Variants in ATAD2 observed in about 807,000 individuals in gnomAD.
ATAD2 encodes the protein ATPase family AAA domain-containing protein 2.
A neutral mutation model predicts 168.9 loss-of-function variants in ATAD2; 62 were observed. That is an observed-to-expected ratio of 0.37 (90% CI 0.30 to 0.45). The LOEUF (loss-of-function observed/expected upper bound fraction) is 0.45. ATAD2 is among the 20% of genes least tolerant of loss of function. The pLI is 1.00. For missense variants in ATAD2, 1,419 were observed against 1,667.8 expected (o/e 0.85, Z 2.60); for synonymous variants, 613 against 571.6 (o/e 1.07, Z -1.03).
intron 13 of ATAD2, 119 bp downstream of exon 13, chr8:123,356,270 C>CA: frequency 1.2e-5 from 9 of 762,122 alleles, no homozygotes; most frequent in Admixed American, 3.0e-5. Context: ...GTTCTACTAC[C>CA]AAAAAAAGGA....
chr8:123,372,492 A>T (rs1429182623), intron 3 of ATAD2, 145 bp downstream of exon 3: 2 of 593,088 alleles, frequency 3.4e-6, no homozygotes, highest in Non-Finnish European at 5.4e-6. Context: ...TATTGTGGTG[A>T]TGGCTTCATG....
chr8:123,326,101 C>G, intron 25 of ATAD2, 75 bp from the exon 26 acceptor site: 2 of 1,456,332 alleles, frequency 1.4e-6, no homozygotes. Context: ...TAATATTAGG[C>G]AGATTAAACA....
chr8:123,383,099 A>G (rs1374198783), intron 1 of ATAD2, among the ~76,000 whole-genome samples: 1 of 152,244 alleles, frequency 6.6e-6, no homozygotes, highest in Non-Finnish European at 1.5e-5. Context: ...ACAGGAACAG[A>G]AAACCAAACA....
At position 123,402,024 on chromosome 8, in the gene ATAD2, A is replaced by G; in HGVS notation, c.-2281-849T>C. On this transcript the variant is annotated intron_variant, in intron 1 of 28. Transcript: ENST00000521903. This position sits in a 1 kb window ranked among gnomAD's most constrained non-coding sequence, Gnocchi z 4.8. ...CTTTGGTCCATGATGTACTCAGGAG[A>G]GCTCAAGTTTGAGAAGCGTACCATG... The G allele has an allele frequency of 6.7e-7, 1 of 1,500,774 alleles. No individual in the cohort carries two copies. The highest frequency in any genetic ancestry group is 9.2e-7 in the Non-Finnish European group (1 of 1,081,686). 93.0% of individuals were successfully genotyped at this position (1,500,774 alleles called of 1,614,324 possible).
At chr8:123,361,763 C>G (rs180767313) in intron 8 of ATAD2, 117 bp from the exon 9 acceptor site, 1 of 699,932 alleles carries the variant, frequency 1.4e-6, no homozygotes. Context: ...ATTAATACAT[C>G]TGCTGACCCA....
chr8:123,397,131 C>T (rs544415016), upstream of ATAD2, among the ~76,000 whole-genome samples: 134 of 151,164 alleles, frequency 8.9e-4, no homozygotes, highest in Non-Finnish European at 1.3e-3. Context: ...ATTCTAATTT[C>T]CTCACACGCT....
At chr8:123,371,881 T>C (rs777903745) in intron 3 of ATAD2, 46 bp from the exon 4 acceptor site, 22 of 1,415,570 alleles carry the variant, frequency 1.6e-5, no homozygotes, top group Admixed American at 2.7e-5. Context: ...TTTGAAATAA[T>C]AGTATTTATA....
At position 123,359,331 on chromosome 8, in the gene ATAD2, T is replaced by C. The variant is rs768464594; in HGVS notation, c.1272A>G (p.Arg424=). ...VDPMQLDSSV[R]FDSVGGLSNH... is the part of the protein sequence containing the mutation. ...TAGACAGGCCACCAACACTATCAAA[T>C]CGTACCTGGTAATGGAAGCGAACAT... is the stretch of plus-strand genomic sequence containing the variant. The change falls in exon 11 of 28, where the codon CGA becomes CGG. Residue 424 remains arginine (R), a synonymous_variant. Coordinates refer to ENST00000287394, the MANE Select transcript of ATAD2 (RefSeq NM_014109.4). 6.3e-7 allele frequency: 1 copy of C among 1,596,470 alleles called. No individual in the cohort carries two copies. Among genetic ancestry groups the C allele is most frequent in the Non-Finnish European group, 8.5e-7 (1 of 1,171,102 alleles).
rs151059167 is a variant in ATAD2, at chr8:123,344,235, C to T, written c.2718+649G>A. Among the ~76,000 whole-genome samples the T allele has an allele frequency of 5.3e-5, 8 of 152,058 alleles. No homozygotes were observed. In the East Asian group the frequency reaches 1.5e-3, roughly 29 times the overall value. On this transcript the variant is annotated intron_variant, in intron 19 of 27. Coordinates refer to ENST00000287394, the MANE Select transcript of ATAD2 (RefSeq NM_014109.4). ...GTACATCAACAGTGGAAAAACCATG[C>T]AGCTCTTAAAGAGACTTTAGCACTA...
intron 19 of ATAD2, among the ~76,000 whole-genome samples, chr8:123,340,738 T>C (rs1828037264): frequency 6.6e-6 from 1 of 152,174 alleles, no homozygotes; most frequent in African/African-American, 2.4e-5. Flanking sequence ...ATGAGGTACC[T>C]AGAATAAATA....
chr8:123,345,506 C>CA (rs34282183), intron 18 of ATAD2, among the ~76,000 whole-genome samples: 9,048 of 50,092 alleles, frequency 0.18, 966 homozygotes, highest in African/African-American at 0.35. Context: ...TATTAAAATA[C>CA]AAAAAAAAAA....
chr8:123,332,655 G>C (rs1827804874), intron 24 of ATAD2, among the ~76,000 whole-genome samples: 1 of 151,982 alleles, frequency 6.6e-6, no homozygotes, highest in Non-Finnish European at 1.5e-5. Context: ...CATTCTACTG[G>C]TAATGGGCAT....
intron 26 of ATAD2, among the ~76,000 whole-genome samples, chr8:123,323,754 T>C (rs1827535129): frequency 6.6e-6 from 1 of 152,198 alleles, no homozygotes; most frequent in East Asian, 1.9e-4. Flanking sequence ...AATAGTCACC[T>C]CCAACTACAT....
At chr8:123,367,168 A>G (rs1185356730) in intron 8 of ATAD2, among the ~76,000 whole-genome samples, 1 of 152,072 alleles carries the variant, frequency 6.6e-6, no homozygotes, top group Non-Finnish European at 1.5e-5. Context: ...CAATCCCACC[A>G]CTTGGGAGGC....
At chr8:123,328,704 A>C in intron 24 of ATAD2, 125 bp from the exon 25 acceptor site, 1 of 1,020,260 alleles carries the variant, frequency 9.8e-7, no homozygotes, top group East Asian at 2.9e-5. Flanking sequence ...TATGATTAAA[A>C]TACAGAAACA....
intron 18 of ATAD2, among the ~76,000 whole-genome samples, chr8:123,345,734 A>C (rs1292483826): frequency 6.6e-6 from 1 of 152,070 alleles, no homozygotes; most frequent in African/African-American, 2.4e-5. Flanking sequence ...AAATACCAAA[A>C]ACAGAAACTG....
At chr8:123,380,699 C>G in intron 1 of ATAD2, 22 bp from the exon 2 acceptor site, 1 of 1,591,274 alleles carries the variant, frequency 6.3e-7, no homozygotes, top group Non-Finnish European at 8.5e-7. Flanking sequence ...ATTAAGAAAG[C>G]CATCTAAGTT....
At chr8:123,341,828 C>A (rs972962394) in intron 19 of ATAD2, among the ~76,000 whole-genome samples, 15 of 152,270 alleles carry the variant, frequency 9.9e-5, no homozygotes, top group African/African-American at 3.6e-4. Context: ...TGGAAGGCTA[C>A]ATGATGAAAA....
At chr8:123,367,307 C>T (rs1829009745) in intron 8 of ATAD2, among the ~76,000 whole-genome samples, 1 of 152,116 alleles carries the variant, frequency 6.6e-6, no homozygotes, top group South Asian at 2.1e-4. Context: ...ATCCCAGCTA[C>T]TCGGGGGGCT....
Sources: gnomAD v4.1 joint callset for allele counts (sites outside exome capture counted in the v4.1 genomes callset) on GRCh38, gnomAD v4.1.1 for gene constraint, Gnocchi (gnomAD v3.1) non-coding constraint, MANE v1.5 for transcripts, NCBI Gene and HGNC (gene_info 2026-07-23, HGNC 2026-07-21) for gene names.